RFWD3: variants seen among roughly 807,000 people sequenced by gnomAD.
RFWD3 encodes ring finger and WD repeat domain 3.
In RFWD3, 65 loss-of-function variants were observed where a neutral mutation model predicts 87.7. The observed-to-expected ratio is 0.74, with a 90% CI of 0.61 to 0.91. The LOEUF (loss-of-function observed/expected upper bound fraction) is 0.91, where lower values mean the gene tolerates loss of function less well. Ranked by LOEUF, RFWD3 falls within the 40% of genes least tolerant of loss-of-function variation. The pLI is 0.00. For missense variants in RFWD3, 1,078 were observed against 938.5 expected, an observed-to-expected ratio of 1.15 and a Z score of -1.94; for synonymous variants, 433 against 352.8, an observed-to-expected ratio of 1.23 and a Z score of -2.55.
intron 2 of RFWD3, among the ~76,000 whole-genome samples, chr16:74,658,250 G>A (rs961088298): frequency 2.0e-5 from 3 of 152,172 alleles, no homozygotes; most frequent in Non-Finnish European, 4.4e-5. Context: ...TATATCTAGG[G>A]CAAAGTTTAG....
intron 4 of RFWD3, among the ~76,000 whole-genome samples, chr16:74,647,504 T>C (rs1421373827): frequency 1.3e-5 from 2 of 152,152 alleles, no homozygotes; most frequent in Non-Finnish European, 2.9e-5. Context: ...GCCAGGCTGG[T>C]CTCAAACTCC....
chr16:74,646,018 G>A (rs1960112077), intron 4 of RFWD3, among the ~76,000 whole-genome samples: 2 of 151,964 alleles, frequency 1.3e-5, no homozygotes, highest in South Asian at 4.2e-4. Context: ...AAAGTGCAGG[G>A]ATTACAGACG....
chr16:74,645,931 G>C (rs1327498579), intron 4 of RFWD3, among the ~76,000 whole-genome samples: 1 of 150,716 alleles, frequency 6.6e-6, no homozygotes, highest in Non-Finnish European at 1.5e-5. Context: ...TGTATTTTTA[G>C]TAGAGACGGG....
At chr16:74,630,345 G>T (rs79190158) in intron 10 of RFWD3, among the ~76,000 whole-genome samples, 6,945 of 152,194 alleles carry the variant, frequency 0.046, 405 homozygotes, top group African/African-American at 0.13. Context: ...TGATCTGTCC[G>T]CCTCGTCTTC....
At chr16:74,661,660 C>T (rs142472584) in intron 1 of RFWD3, among the ~76,000 whole-genome samples, 2 of 152,164 alleles carry the variant, frequency 1.3e-5, no homozygotes, top group East Asian at 3.9e-4. Context: ...ACCAGTTTTC[C>T]GGTTTGCCCT....
intron 8 of RFWD3, 137 bp from the exon 9 acceptor site, chr16:74,632,810 C>T (rs1959142055): frequency 1.4e-6 from 1 of 709,918 alleles, no homozygotes. Context: ...AACAAAAATT[C>T]TCTAGTGTTA....
chr16:74,636,640 T>C (rs1299933061), intron 7 of RFWD3, 63 bp from the exon 8 acceptor site: 1 of 1,184,370 alleles, frequency 8.4e-7, no homozygotes, highest in East Asian at 2.5e-5. Flanking sequence ...TCAAATACAA[T>C]TCCTTGATCT....
rs1201745049 is a variant in RFWD3 at position 74,630,920 on chromosome 16, C to T, written c.1615G>A (p.Gly539Arg). Residue 539 changes from glycine to arginine, a missense_variant, in exon 10 of 13, where the codon GGA becomes AGA. Transcript: ENST00000361070. ...TNTVVQTYNA[G>R]RPVWSCCWCL... is the part of the protein sequence containing the mutation. ...CAGCAACAGCTCCAGACAGGACGTC[C>T]AGCATTATAAGTCTGGACCACGGTA... The T allele has an allele frequency of 6.2e-7, 1 of 1,613,922 alleles. No individual in the cohort carries two copies. Among genetic ancestry groups the T allele is most frequent in the East Asian group, 2.2e-5 (1 of 44,868 alleles).
Position 74,636,419 on chromosome 16 carries a change from C to G in RFWD3, c.1353G>C (p.Arg451=), listed in dbSNP as rs374263739. Residue 451 remains arginine, a synonymous_variant, in exon 8 of 13, where the codon CGG becomes CGC. Coordinates refer to ENST00000361070, the MANE Select transcript of RFWD3 (RefSeq NM_018124.4). ...TFTVSQAGNC[R]IMAYCDALSC... ...TCAGAGCATCACAGTATGCCATGAT[C>G]CGGCAGTTTCCTGCCTGAGATACTG... 12 of 1,614,064 alleles carry G rather than the reference C, an allele frequency of 7.4e-6. No homozygotes were observed. Among genetic ancestry groups the G allele is most frequent in the Non-Finnish European group, 8.5e-6 (10 of 1,180,040 alleles).
chr16:74,659,954 T>C (rs1240062498), intron 2 of RFWD3, among the ~76,000 whole-genome samples: 1 of 152,076 alleles, frequency 6.6e-6, no homozygotes, highest in Non-Finnish European at 1.5e-5. Context: ...ATCAAGAGGC[T>C]GAGGTAGGAA....
intron 8 of RFWD3, among the ~76,000 whole-genome samples, chr16:74,635,316 A>T (rs957900819): frequency 5.9e-5 from 9 of 151,960 alleles, no homozygotes; most frequent in Non-Finnish European, 5.9e-5. Context: ...TAAAAAAAAA[A>T]ATTAACTAGG....
intron 4 of RFWD3, 70 bp from the exon 5 acceptor site, chr16:74,644,805 AAG>A: frequency 6.8e-7 from 1 of 1,475,110 alleles, no homozygotes. Flanking sequence ...ATGTGCAACT[AAG>A]AAATTAACAG....
chr16:74,631,984 A>G (rs1959110888), intron 9 of RFWD3, among the ~76,000 whole-genome samples: 1 of 152,190 alleles, frequency 6.6e-6, no homozygotes, highest in Non-Finnish European at 1.5e-5. Flanking sequence ...TTTGTAATAT[A>G]CATAGTTTCA....
chr16:74,626,821 T>TGACA (rs10667616), intron 11 of RFWD3, among the ~76,000 whole-genome samples: 15 of 152,222 alleles, frequency 9.9e-5, no homozygotes, highest in Admixed American at 3.9e-4. Context: ...AAAACAATTC[T>TGACA]GTGAGTTGTC....
chr16:74,639,469 A>T (rs1210572350), intron 6 of RFWD3, among the ~76,000 whole-genome samples: 1 of 152,206 alleles, frequency 6.6e-6, no homozygotes, highest in Non-Finnish European at 1.5e-5. Context: ...ACGTGACTGT[A>T]AAGTAAAAGG....
intron 2 of RFWD3, among the ~76,000 whole-genome samples, chr16:74,658,427 G>T (rs1456980201): frequency 6.6e-6 from 1 of 152,218 alleles, no homozygotes; most frequent in Non-Finnish European, 1.5e-5. Flanking sequence ...CTTCTTGGCT[G>T]ACTGTGAGTC....
rs1243493131 is a variant in RFWD3 at position 74,661,379 on chromosome 16, G to A, written c.71C>T (p.Ala24Val). The change falls in exon 2 of 13, where the codon GCT becomes GTT. Residue 24 changes from alanine to valine, a missense_variant. Physicochemically the swap from Ala to Val is moderately conservative, Grantham distance 64. Transcript: ENST00000361070. Reference protein sequence around the residue: ...LNHAEQQPAPAGMASSQGGPA... With the variant: ...LNHAEQQPAPVGMASSQGGPA... ...TCCCCCTTGGCTGCTGGCCATGCCAGCAGGAGCTGGCTGTTGTTCGGCATG... is the reference window on the plus strand; with the variant it reads ...TCCCCCTTGGCTGCTGGCCATGCCAACAGGAGCTGGCTGTTGTTCGGCATG... The A allele has an allele frequency of 2.5e-6, 4 of 1,613,920 alleles. No individual in the cohort carries two copies. The highest frequency in any genetic ancestry group is 2.7e-5 in the African/African-American group (2 of 74,932).
intron 6 of RFWD3, among the ~76,000 whole-genome samples, chr16:74,639,400 T>A (rs950261551): frequency 6.6e-6 from 1 of 152,172 alleles, no homozygotes; most frequent in Non-Finnish European, 1.5e-5. Flanking sequence ...TCCATTATAA[T>A]CTTATGGGGC....
At chr16:74,631,895 C>A (rs1597414546) in intron 9 of RFWD3, among the ~76,000 whole-genome samples, 1 of 152,088 alleles carries the variant, frequency 6.6e-6, no homozygotes, top group Non-Finnish European at 1.5e-5. Flanking sequence ...GCTAGGATTA[C>A]AGGCGTGAGC....
Sources: gnomAD v4.1 joint callset for allele counts (sites outside exome capture counted in the v4.1 genomes callset) on GRCh38, gnomAD v4.1.1 for gene constraint, MANE v1.5 for transcripts, NCBI Gene and HGNC (gene_info 2026-07-23, HGNC 2026-07-21) for gene names.